Variants in PCCB observed in about 807,000 individuals in gnomAD.
PCCB encodes the protein propionyl-CoA carboxylase subunit beta.
A neutral mutation model predicts 60.7 loss-of-function variants in PCCB; 43 were observed. The observed-to-expected ratio is 0.71, with a 90% CI of 0.55 to 0.91. PCCB has a LOEUF of 0.91. Ranked by LOEUF, PCCB falls within the 40% of genes least tolerant of loss-of-function variation. The pLI is 0.00. For missense variants in PCCB, 766 were observed against 702.8 expected (o/e 1.09, Z -1.02); for synonymous variants, 276 against 255.9 (o/e 1.08, Z -0.75).
rs1355696700 is a variant in PCCB, at chr3:136,301,077, C to T, written c.932C>T (p.Thr311Ile). 1.2e-6 allele frequency: 2 copies of T among 1,614,152 alleles called. No individual in the cohort carries two copies. The highest frequency in any genetic ancestry group is 1.1e-5 in the South Asian group (1 of 91,084). ...GACACAATTGTCCCTTTGGAATCAA[C>T]CAAAGCCTACAACATGGTGGACATC... ...ELDTIVPLES[T>I]KAYNMVDIIH... Residue 311 changes from threonine (T) to isoleucine (I), a missense_variant, in exon 9 of 15, where the codon ACC becomes ATC. Thr to Ile is a moderately conservative substitution (Grantham distance 89). Transcript: ENST00000251654.
At chr3:136,327,396 C>T in intron 12 of PCCB, 141 bp downstream of exon 12, 1 of 763,592 alleles carries the variant, frequency 1.3e-6, no homozygotes, top group South Asian at 1.5e-5. Flanking sequence ...GATGTTGTTC[C>T]CAGCCCCGCA....
intron 5 of PCCB, among the ~76,000 whole-genome samples, chr3:136,264,903 A>G (rs1220294729): frequency 6.8e-6 from 1 of 146,232 alleles, no homozygotes; most frequent in Non-Finnish European, 1.5e-5. Context: ...AAAGAGCTTA[A>G]TGCTTAATAG....
chr3:136,260,054 C>CTT (rs912493653), intron 3 of PCCB: 1 of 259,836 alleles, frequency 3.8e-6, no homozygotes, highest in Admixed American at 5.1e-5. Flanking sequence ...GCCCGGGCAA[C>CTT]TTTTTTTGTT....
At chr3:136,314,692 AAAAC>A (rs1934812777) in intron 9 of PCCB, among the ~76,000 whole-genome samples, 1 of 152,082 alleles carries the variant, frequency 6.6e-6, no homozygotes, top group Admixed American at 6.6e-5. Flanking sequence ...ACAAAACAAA[AAAAC>A]TCACCATTTG....
chr3:136,282,387 GTCAC>G (rs1246887432), intron 5 of PCCB, among the ~76,000 whole-genome samples: 1 of 152,270 alleles, frequency 6.6e-6, no homozygotes, highest in East Asian at 1.9e-4. Context: ...CTTCTGTGAT[GTCAC>G]TCAGTTTTTT....
chr3:136,291,390 G>T (rs1384728843), intron 6 of PCCB, among the ~76,000 whole-genome samples: 1 of 152,098 alleles, frequency 6.6e-6, no homozygotes, highest in Non-Finnish European at 1.5e-5. Context: ...GTCTTTTAGT[G>T]TGTCTTATGA....
intron 7 of PCCB, among the ~76,000 whole-genome samples, chr3:136,295,074 G>A (rs1321447097): frequency 6.6e-6 from 1 of 152,228 alleles, no homozygotes; most frequent in African/African-American, 2.4e-5. Flanking sequence ...TTAGCTGTTG[G>A]AGTAATTATT....
intron 9 of PCCB, 39 bp from the exon 10 acceptor site, chr3:136,316,902 T>C: frequency 1.2e-6 from 2 of 1,611,824 alleles, no homozygotes; most frequent in Non-Finnish European, 1.7e-6. Context: ...TATACTTGTC[T>C]TTACCATTTT....
intron 8 of PCCB, 102 bp from the exon 9 acceptor site, chr3:136,300,928 A>G: frequency 3.7e-6 from 3 of 812,820 alleles, no homozygotes; most frequent in Non-Finnish European, 6.5e-6. Flanking sequence ...GAACTGGCCC[A>G]GTCCCTATGA....
chr3:136,255,660 C>T, intron 1 of PCCB, 196 bp from the exon 2 acceptor site: 1 of 619,648 alleles, frequency 1.6e-6, no homozygotes. Context: ...CTGGCGCACA[C>T]TGTCTGTCCT....
At chr3:136,262,732 G>A (rs533698100) in intron 5 of PCCB, among the ~76,000 whole-genome samples, 1 of 152,322 alleles carries the variant, frequency 6.6e-6, no homozygotes, top group East Asian at 1.9e-4. Context: ...GAAGGAGACA[G>A]GCAGACATTG....
At chr3:136,267,266 A>G (rs1206021721) in intron 5 of PCCB, among the ~76,000 whole-genome samples, 1 of 152,210 alleles carries the variant, frequency 6.6e-6, no homozygotes. Context: ...AGCTCACTGC[A>G]GCCTTGAACT....
chr3:136,273,597 C>CTTTTTTTTTTTTTTTTTTTTTTT, intron 5 of PCCB, among the ~76,000 whole-genome samples: 163 of 45,196 alleles, frequency 3.6e-3, no homozygotes, highest in Non-Finnish European at 4.2e-3. Flanking sequence ...TTTCTTTTTT[C>CTTTTTTTTTTTTTTTTTTTTTTT]TTTTTTTTTT....
chr3:136,293,666 CT>C (rs1430924017), intron 6 of PCCB, 89 bp from the exon 7 acceptor site: 2 of 840,434 alleles, frequency 2.4e-6, no homozygotes, highest in Non-Finnish European at 4.2e-6. Context: ...ACTATCTTCT[CT>C]GCATTTGTCA....
Position 136,260,554 on chromosome 3 carries a change from A to G in PCCB, c.429+19A>G. 1 of 1,592,282 alleles carries G rather than the reference A, an allele frequency of 6.3e-7. No individual in the cohort carries two copies. The highest frequency in any genetic ancestry group is 8.6e-7 in the Non-Finnish European group (1 of 1,160,654). ...CTGCAAAGTAAGTGTTTAATACTCA[A>G]ATTCAATCCATTGCTTTCCTCAGTT... On this transcript the variant is annotated intron_variant, in intron 4 of 14. Coordinates refer to ENST00000251654, the MANE Select transcript of PCCB (RefSeq NM_000532.5).
At chr3:136,282,756 T>G (rs1208287548) in intron 5 of PCCB, among the ~76,000 whole-genome samples, 1 of 152,238 alleles carries the variant, frequency 6.6e-6, no homozygotes, top group Admixed American at 6.5e-5. Context: ...TCTTGTGGAT[T>G]TGAATTATAG....
chr3:136,299,085 G>GTTTA (rs1196537271), intron 8 of PCCB, among the ~76,000 whole-genome samples: 1 of 152,078 alleles, frequency 6.6e-6, no homozygotes. Context: ...TTCCTGAAGG[G>GTTTA]TTTAGGACAT....
chr3:136,256,219 A>G, intron 2 of PCCB: 1 of 581,448 alleles, frequency 1.7e-6, no homozygotes, highest in Non-Finnish European at 3.0e-6. Context: ...TTGGGACTAC[A>G]GGCGTGAGCG....
chr3:136,259,287 CA>C, intron 3 of PCCB: 1 of 496,202 alleles, frequency 2.0e-6, no homozygotes, highest in Non-Finnish European at 3.2e-6. Flanking sequence ...GCCAACATGG[CA>C]AAACTGTCTC....
Sources: allele counts gnomAD v4.1 joint callset (sites outside exome capture counted in the v4.1 genomes callset), GRCh38; gene constraint gnomAD v4.1.1; transcripts MANE v1.5; gene names NCBI Gene and HGNC (gene_info 2026-07-23, HGNC 2026-07-21).